AADACL2: variants seen among roughly 807,000 people sequenced by gnomAD.
The protein encoded by AADACL2 is arylacetamide deacetylase-like 2.
Under a neutral mutation model 22.3 loss-of-function variants are expected in AADACL2, and 23 were observed. The observed-to-expected ratio is 1.03, with a 90% confidence interval of 0.74 to 1.46. The LOEUF is 1.46. AADACL2 is among the 40% of genes most tolerant of loss of function. The pLI is 0.00. For missense variants in AADACL2, 472 were observed against 482.9 expected (o/e 0.98, Z 0.21); for synonymous variants, 177 against 166.2 (o/e 1.07, Z -0.50).
chr3:151,738,805 A>G (rs1713180271), intron 1 of AADACL2, among the ~76,000 whole-genome samples: 2 of 152,196 alleles, frequency 1.3e-5, no homozygotes, highest in African/African-American at 4.8e-5. Context: ...ATACTTGTAT[A>G]TGCCTCACGA....
At position 151,760,758 on chromosome 3, in the gene AADACL2, G is replaced by A. The variant is rs1714115470; in HGVS notation, c.*3164G>A. 1 of 151,970 alleles carries A rather than the reference G, an allele frequency of 6.6e-6. No homozygotes were observed. The highest frequency in any genetic ancestry group is 2.1e-4 in the South Asian group (1 of 4,814). 9.4% of individuals were successfully genotyped at this position (151,970 alleles called of 1,614,324 possible). Reference sequence around the variant, plus strand: ...ACTGAGTGCCTTAAATAAACAAAAGGAATTTATTACTTTGTGGTTCAGAAG... The same window carrying A: ...ACTGAGTGCCTTAAATAAACAAAAGAAATTTATTACTTTGTGGTTCAGAAG... On this transcript the variant is annotated 3_prime_UTR_variant, in exon 5 of 5. Coordinates refer to ENST00000356517, the MANE Select transcript of AADACL2 (RefSeq NM_207365.4).
At chr3:151,739,330 C>T (rs1410509629) in intron 1 of AADACL2, among the ~76,000 whole-genome samples, 1 of 152,212 alleles carries the variant, frequency 6.6e-6, no homozygotes, top group East Asian at 1.9e-4. Flanking sequence ...GTGGAGGCTG[C>T]AGAACAGCAA....
At position 151,758,883 on chromosome 3, in the gene AADACL2, A is replaced by G. The variant is rs1471420482; in HGVS notation, c.*1289A>G. On this transcript the variant is annotated 3_prime_UTR_variant, in exon 5 of 5. Coordinates refer to ENST00000356517, the MANE Select transcript of AADACL2 (RefSeq NM_207365.4). ...CTACCATCCAATTGACCCAAAAACAACTTACTCAGTTGGGACCAGACATTT... is the reference window on the plus strand; with the variant it reads ...CTACCATCCAATTGACCCAAAAACAGCTTACTCAGTTGGGACCAGACATTT... 2 of 152,116 alleles carry G rather than the reference A, an allele frequency of 1.3e-5. No homozygotes were observed. The highest frequency in any genetic ancestry group is 1.9e-4 in the East Asian group (1 of 5,200). The allele number at this position is 152,116 out of a possible 1,614,324, so 9.4% of individuals were successfully genotyped here. A position where few individuals can be genotyped will look rare whatever the true frequency, so the allele number is the denominator to read the frequency against.
rs1714006480 is a variant in AADACL2, at chr3:151,757,991, G to A, written c.*397G>A. 6.1e-6 allele frequency: 1 copy of A among 162,612 alleles called. No homozygotes were observed. The highest frequency in any genetic ancestry group is 2.4e-5 in the African/African-American group (1 of 41,428). The allele number at this position is 162,612 out of a possible 1,614,324, so 10.1% of individuals were successfully genotyped here. A position where few individuals can be genotyped will look rare whatever the true frequency, so the allele number is the denominator to read the frequency against. On this transcript the variant is annotated 3_prime_UTR_variant, in exon 5 of 5. Transcript: ENST00000356517. ...CTGCTAAAAATATATGGAAACCACT[G>A]GACTAAATAAACCCTAAGGACCCTA...
Position 151,745,541 on chromosome 3 carries a change from C to G in AADACL2, c.464C>G (p.Ala155Gly), listed in dbSNP as rs142920843. 3 of 1,613,632 alleles carry G rather than the reference C, an allele frequency of 1.9e-6. No individual in the cohort carries two copies. Among genetic ancestry groups the G allele is most frequent in the African/African-American group, 2.7e-5 (2 of 74,878 alleles). Residue 155 changes from alanine to glycine, a missense_variant, in exon 4 of 5, where the codon GCT becomes GGT. Coordinates refer to ENST00000356517, the MANE Select transcript of AADACL2 (RefSeq NM_207365.4). ...CTGGCTCCTCAACACCACTTTCCTG[C>G]TCAGTTTGAAGATGGCCTTGCTGCA... ...YRLAPQHHFP[A>G]QFEDGLAAVK...
rs375349931 is a variant in AADACL2, at chr3:151,745,449, GTA to G, written c.432-58_432-57del. 1.1e-4 allele frequency: 171 copies of G among 1,507,124 alleles called. No homozygotes were observed. In the East Asian group the frequency reaches 3.5e-3, roughly 31 times the overall value. The allele number at this position is 1,507,124 out of a possible 1,614,324, so 93.4% of individuals were successfully genotyped here. A position where few individuals can be genotyped will look rare whatever the true frequency, so the allele number is the denominator to read the frequency against. Reference sequence around the variant, plus strand: ...ACTGGCATTAAATTGCATCTATTTGGTATTTGAGAATTAGATGGACAGATACA... The same window carrying G: ...ACTGGCATTAAATTGCATCTATTTGGTTTGAGAATTAGATGGACAGATACA... On this transcript the variant is annotated intron_variant, in intron 3 of 4. Coordinates refer to ENST00000356517, the MANE Select transcript of AADACL2 (RefSeq NM_207365.4).
intron 1 of AADACL2, among the ~76,000 whole-genome samples, chr3:151,738,025 G>A (rs1713152697): frequency 6.6e-6 from 1 of 152,190 alleles, no homozygotes; most frequent in Admixed American, 6.5e-5. Flanking sequence ...TTGCACAATA[G>A]TCAATGCAGT....
At chr3:151,735,976 G>A (rs915107210) in intron 1 of AADACL2, among the ~76,000 whole-genome samples, 1 of 152,084 alleles carries the variant, frequency 6.6e-6, no homozygotes, top group Non-Finnish European at 1.5e-5. Context: ...ACCAAAGGCA[G>A]CTTTTTTCAG....
chr3:151,754,138 C>T (rs1365058271), intron 4 of AADACL2, among the ~76,000 whole-genome samples: 1 of 152,072 alleles, frequency 6.6e-6, no homozygotes, highest in South Asian at 2.1e-4. Flanking sequence ...GACTTTGTTA[C>T]CAGCTTCCTT....
At chr3:151,749,495 G>T (rs1813606) in intron 4 of AADACL2, among the ~76,000 whole-genome samples, 129,757 of 151,974 alleles carry the variant, frequency 0.85, 55,879 homozygotes, top group African/African-American at 0.96. Context: ...TTTTTTTTTG[G>T]TTTTTGAAAC....
rs1365398625 is a variant in AADACL2 at position 151,757,374 on chromosome 3, A to T, written c.986A>T (p.Asn329Ile). 24 of 1,613,660 alleles carry T rather than the reference A, an allele frequency of 1.5e-5. No individual in the cohort carries two copies. The highest frequency in any genetic ancestry group is 1.9e-5 in the Non-Finnish European group (23 of 1,179,724). The change falls in exon 5 of 5, where the codon AAT becomes ATT. Residue 329 changes from asparagine to isoleucine, a missense_variant. Physicochemically the swap from Asn to Ile is moderately radical, Grantham distance 149. Transcript: ENST00000356517. ...TTGGCCAATGATTCTCAGTTACAGA[A>T]TTTGCCACTAACCTATATTCTTACT... The part of the protein sequence containing the change: ...PLLANDSQLQ[N>I]LPLTYILTCQ...
intron 4 of AADACL2, among the ~76,000 whole-genome samples, chr3:151,756,128 G>A (rs1001874738): frequency 2.0e-5 from 3 of 152,050 alleles, no homozygotes; most frequent in Non-Finnish European, 4.4e-5. Context: ...CTTTTCACTT[G>A]TAGCAGCAGC....
At chr3:151,753,970 T>C (rs1300431136) in intron 4 of AADACL2, among the ~76,000 whole-genome samples, 1 of 152,136 alleles carries the variant, frequency 6.6e-6, no homozygotes, top group African/African-American at 2.4e-5. Context: ...CACAGGGCAC[T>C]TGGGAAATGG....
chr3:151,746,905 G>GTTTT (rs11373414), intron 4 of AADACL2, among the ~76,000 whole-genome samples: 3 of 145,440 alleles, frequency 2.1e-5, no homozygotes, highest in African/African-American at 5.0e-5. Flanking sequence ...TTTTTGTCAG[G>GTTTT]TTTTTTTTTT....
At chr3:151,738,701 C>T (rs1463332891) in intron 1 of AADACL2, among the ~76,000 whole-genome samples, 1 of 152,072 alleles carries the variant, frequency 6.6e-6, no homozygotes, top group Non-Finnish European at 1.5e-5. Context: ...TCTTTTCTTT[C>T]TGTTTTTCTC....
chr3:151,736,845 T>C (rs1713105432), intron 1 of AADACL2, among the ~76,000 whole-genome samples: 1 of 152,216 alleles, frequency 6.6e-6, no homozygotes, highest in African/African-American at 2.4e-5. Flanking sequence ...TACCCAGTAA[T>C]GGGATTGCTG....
Position 151,757,620 on chromosome 3 carries a change from T to G in AADACL2, c.*26T>G, listed in dbSNP as rs767253529. ...ATATGTGATGTGTATGTATAGCCCTTACATAGTGGATTGTAATTTGTGATA... is the reference window on the plus strand; with the variant it reads ...ATATGTGATGTGTATGTATAGCCCTGACATAGTGGATTGTAATTTGTGATA... On this transcript the variant is annotated 3_prime_UTR_variant, in exon 5 of 5. Coordinates refer to ENST00000356517, the MANE Select transcript of AADACL2 (RefSeq NM_207365.4). 1 of 1,554,934 alleles carries G rather than the reference T, an allele frequency of 6.4e-7. No homozygotes were observed. Among genetic ancestry groups the G allele is most frequent in the Non-Finnish European group, 8.7e-7 (1 of 1,150,938 alleles).
At chr3:151,742,165 C>T (rs1012037659) in intron 2 of AADACL2, among the ~76,000 whole-genome samples, 1 of 152,068 alleles carries the variant, frequency 6.6e-6, no homozygotes, top group African/African-American at 2.4e-5. Flanking sequence ...TTCTCTAAAA[C>T]ATACATAAGT....
chr3:151,740,700 A>C lies in AADACL2; in HGVS notation c.193A>C (p.Ile65Leu). ...GAGATATGAAGAGTTTATATCCATG[A>C]TATTCAGGCTGGATTATACCCAACC... ...IMRYEEFISM[I>L]FRLDYTQPLS... Residue 65 changes from isoleucine to leucine, a missense_variant, in exon 2 of 5, where the codon ATA becomes CTA. By Grantham distance (5) the Ile-to-Leu change is conservative. Around this residue, in one of 3 missense-constraint regions of AADACL2, gnomAD observed 356 missense variants for 365.5 expected, o/e 0.97. Coordinates refer to ENST00000356517, the MANE Select transcript of AADACL2 (RefSeq NM_207365.4). 6.2e-7 allele frequency: 1 copy of C among 1,613,898 alleles called. No individual in the cohort carries two copies. The highest frequency in any genetic ancestry group is 8.5e-7 in the Non-Finnish European group (1 of 1,179,882).
Sources: gnomAD v4.1 joint callset for allele counts (sites outside exome capture counted in the v4.1 genomes callset) on GRCh38, gnomAD v4.1.1 for gene constraint, gnomAD v4.1.1 regional missense constraint, MANE v1.5 for transcripts, NCBI Gene and HGNC (gene_info 2026-07-23, HGNC 2026-07-21) for gene names.